KCNIP4: variants seen among roughly 807,000 people sequenced by gnomAD.
KCNIP4 encodes the protein Kv channel-interacting protein 4.
A neutral mutation model predicts 34.0 loss-of-function variants in KCNIP4; 12 were observed. That is an observed-to-expected ratio of 0.35 (90% CI 0.23 to 0.57). The LOEUF is 0.57. Among genes scored for constraint, KCNIP4 ranks in the 20% least tolerant of loss-of-function variants. The pLI, the probability that KCNIP4 is intolerant of heterozygous loss-of-function variation, is 0.83. For missense variants in KCNIP4, 238 were observed against 311.7 expected (o/e 0.76, Z 1.78); for synonymous variants, 124 against 102.2 (o/e 1.21, Z -1.29).
At chr4:20,906,587 T>C (rs571287182) in intron 1 of KCNIP4, among the ~76,000 whole-genome samples, 2 of 152,310 alleles carry the variant, frequency 1.3e-5, no homozygotes, top group South Asian at 4.1e-4. Context: ...CCAAATTCCT[T>C]TGTATAACAT....
chr4:21,653,835 ATC>A (rs1402167610), intron 1 of KCNIP4, among the ~76,000 whole-genome samples: 1 of 152,126 alleles, frequency 6.6e-6, no homozygotes, highest in Non-Finnish European at 1.5e-5. Flanking sequence ...CCAAATCCAA[ATC>A]TCTCAGTCTC....
At chr4:21,883,513 T>C (rs1004677868) in intron 1 of KCNIP4, among the ~76,000 whole-genome samples, 4 of 152,120 alleles carry the variant, frequency 2.6e-5, no homozygotes, top group Non-Finnish European at 5.9e-5. Context: ...TATAAGATTT[T>C]ATATTTTAAA....
At chr4:21,929,323 A>C (rs1729436073) in intron 1 of KCNIP4, among the ~76,000 whole-genome samples, 1 of 152,106 alleles carries the variant, frequency 6.6e-6, no homozygotes, top group African/African-American at 2.4e-5. Context: ...ATTTTATGGA[A>C]AAAAAGGCTG....
intron 1 of KCNIP4, among the ~76,000 whole-genome samples, chr4:21,583,620 A>G (rs1741399236): frequency 6.6e-6 from 1 of 152,090 alleles, no homozygotes; most frequent in Admixed American, 6.6e-5. Flanking sequence ...TAATATTTTA[A>G]TGCAATTCCA....
At chr4:21,405,452 G>A (rs973449496) in intron 1 of KCNIP4, among the ~76,000 whole-genome samples, 1 of 152,166 alleles carries the variant, frequency 6.6e-6, no homozygotes, top group African/African-American at 2.4e-5. Context: ...AAACACGTCA[G>A]CAGGTATTTC....
chr4:20,906,969 C>T (rs1179359264), intron 1 of KCNIP4, among the ~76,000 whole-genome samples: 1 of 152,194 alleles, frequency 6.6e-6, no homozygotes, highest in Non-Finnish European at 1.5e-5. Context: ...TCCATGAGAA[C>T]ACATTGTTCT....
At chr4:21,118,297 A>G (rs1433569527) in intron 1 of KCNIP4, among the ~76,000 whole-genome samples, 2 of 152,198 alleles carry the variant, frequency 1.3e-5, no homozygotes, top group Non-Finnish European at 2.9e-5. Flanking sequence ...TGCAGCAATC[A>G]GCCTAGAGCA....
chr4:21,803,403 C>T (rs568709563), intron 1 of KCNIP4, among the ~76,000 whole-genome samples: 2 of 152,318 alleles, frequency 1.3e-5, no homozygotes, highest in Admixed American at 6.5e-5. Context: ...CGTGGATCCT[C>T]CCCAATATGT....
chr4:20,961,901 AACTCATAATACTAAC>A (rs1226525924), intron 1 of KCNIP4, among the ~76,000 whole-genome samples: 1 of 152,218 alleles, frequency 6.6e-6, no homozygotes, highest in African/African-American at 2.4e-5. Flanking sequence ...CATGTGCATT[AACTCATAATACTAAC>A]ACTTTTTACT....
chr4:20,910,618 A>G (rs998038686), intron 1 of KCNIP4, among the ~76,000 whole-genome samples: 13 of 152,168 alleles, frequency 8.5e-5, no homozygotes, highest in Non-Finnish European at 1.5e-4. Context: ...AAATTCTAAC[A>G]TCTCCCTGGT....
At position 20,822,823 on chromosome 4, in the gene KCNIP4, C is replaced by A. The variant is rs566586329; in HGVS notation, c.288+27720G>T. Among the ~76,000 whole-genome samples, 5 of 152,192 alleles carry A rather than the reference C, an allele frequency of 3.3e-5. No individual in the cohort carries two copies. The South Asian group carries it at 1.0e-3, about 32-fold the overall frequency. On this transcript the variant is annotated intron_variant, in intron 3 of 8. Coordinates refer to ENST00000382152, the MANE Select transcript of KCNIP4 (RefSeq NM_025221.6). ...AGTGTGTTGGTATTAAGAGGTGGGA[C>A]CTTTTGAGAAGTGATTAAGTCATGA...
chr4:20,892,813 A>T (rs901365226), intron 1 of KCNIP4, among the ~76,000 whole-genome samples: 1 of 152,232 alleles, frequency 6.6e-6, no homozygotes, highest in East Asian at 1.9e-4. Context: ...AGAACTAGCC[A>T]GAGAATACTA....
At chr4:21,559,021 G>C (rs1577594305) in intron 1 of KCNIP4, among the ~76,000 whole-genome samples, 1 of 152,086 alleles carries the variant, frequency 6.6e-6, no homozygotes, top group East Asian at 1.9e-4. Context: ...AAGAACATAG[G>C]CTTTGGAATC....
chr4:20,732,794 TAAAA>T lies in KCNIP4; in HGVS notation c.538-13_538-10del. On this transcript the variant is annotated splice_polypyrimidine_tract_variant and intron_variant, in intron 6 of 8. Transcript: ENST00000382152. ...ATTATATCAAGCATTTCCTGAAAAA[TAAAA>T]GGCACTCACGTGAGGCTGCACACAT... The T allele has an allele frequency of 6.5e-7, 1 of 1,528,592 alleles. No homozygotes were observed. Among genetic ancestry groups the T allele is most frequent in the Non-Finnish European group, 9.1e-7 (1 of 1,103,326 alleles). The allele number at this position is 1,528,592 out of a possible 1,614,324, so 94.7% of individuals were successfully genotyped here. A position where few individuals can be genotyped will look rare whatever the true frequency, so the allele number is the denominator to read the frequency against.
chr4:21,299,637 G>T (rs1394537501), intron 1 of KCNIP4, among the ~76,000 whole-genome samples: 5 of 152,166 alleles, frequency 3.3e-5, no homozygotes, highest in Non-Finnish European at 5.9e-5. Context: ...GGGAGAATTA[G>T]AACAAGACTC....
At chr4:20,924,825 G>A (rs1020126493) in intron 1 of KCNIP4, among the ~76,000 whole-genome samples, 3 of 152,090 alleles carry the variant, frequency 2.0e-5, no homozygotes, top group African/African-American at 7.2e-5. Flanking sequence ...ACACATAAGT[G>A]GAAAAAATGT....
At chr4:21,549,317 G>C (rs890382075) in intron 1 of KCNIP4, among the ~76,000 whole-genome samples, 3 of 151,912 alleles carry the variant, frequency 2.0e-5, no homozygotes, top group Non-Finnish European at 2.9e-5. Context: ...GTTGAAATGT[G>C]ATCCCCCATG....
chr4:21,272,584 C>T (rs1203098847), intron 1 of KCNIP4, among the ~76,000 whole-genome samples: 15 of 152,110 alleles, frequency 9.9e-5, no homozygotes, highest in Admixed American at 9.8e-4. Flanking sequence ...CACATAGTTT[C>T]CTTCTTCGTG....
At chr4:21,688,675 A>AGCC (rs1751001099) in intron 1 of KCNIP4, among the ~76,000 whole-genome samples, 2 of 152,120 alleles carry the variant, frequency 1.3e-5, no homozygotes, top group African/African-American at 4.8e-5. Flanking sequence ...CCACTCAAAA[A>AGCC]GCCATGGAAA....
Sources: allele counts gnomAD v4.1 joint callset (sites outside exome capture counted in the v4.1 genomes callset), GRCh38; gene constraint gnomAD v4.1.1; transcripts MANE v1.5; gene names NCBI Gene and HGNC (gene_info 2026-07-23, HGNC 2026-07-21).